Variants in MAEA observed in about 807,000 individuals in gnomAD.
MAEA encodes the protein macrophage erythroblast attacher, E3 ubiquitin ligase, also known as E3 ubiquitin-protein transferase MAEA.
MAEA carries 22 observed loss-of-function variants against 46.2 expected under a neutral mutation model. That is an observed-to-expected ratio of 0.48 (90% CI 0.34 to 0.68). MAEA has a LOEUF of 0.68. Among genes scored for constraint, MAEA ranks in the 30% least tolerant of loss-of-function variants. MAEA has a pLI of 0.01. For missense variants in MAEA, 393 were observed against 558.1 expected, an observed-to-expected ratio of 0.70 and a Z score of 2.98; for synonymous variants, 246 against 222.6, an observed-to-expected ratio of 1.11 and a Z score of -0.94.
At position 1,315,514 on chromosome 4, in the gene MAEA, C is replaced by T. The variant is rs1300147250; in HGVS notation, c.370C>T (p.Arg124Cys). 5 of 1,613,722 alleles carry T rather than the reference C, an allele frequency of 3.1e-6. No individual in the cohort carries two copies. The highest frequency in any genetic ancestry group is 3.3e-5 in the Admixed American group (2 of 59,986). ...GGCGGCCAGCGTGTGGAAGAGGAAG[C>T]GCATGGATCGCATGATGGTGGAGCA... ...PAAASVWKRKRMDRMMVEHLL... is the reference protein window; with the variant it reads ...PAAASVWKRKCMDRMMVEHLL... Residue 124 changes from arginine to cysteine, a missense_variant, in exon 3 of 9, where the codon CGC becomes TGC. Arg to Cys is a radical substitution (Grantham distance 180, BLOSUM62 -3). Around this residue, in one of 2 missense-constraint regions of MAEA, gnomAD observed 358 missense variants for 537.9 expected, o/e 0.67. Transcript: ENST00000303400.
chr4:1,293,461 A>G (rs1327798959), intron 1 of MAEA, among the ~76,000 whole-genome samples: 2 of 152,242 alleles, frequency 1.3e-5, no homozygotes, highest in Non-Finnish European at 2.9e-5. Context: ...AACTTCATTA[A>G]CATTTTGGTG....
chr4:1,316,130 T>C (rs374169253), intron 3 of MAEA, among the ~76,000 whole-genome samples: 1 of 152,108 alleles, frequency 6.6e-6, no homozygotes, highest in Non-Finnish European at 1.5e-5. Flanking sequence ...ACATGCTCCA[T>C]TGCTTCCTCG....
In MAEA at chr4:1,312,033, C is replaced by T; in HGVS notation, c.124C>T (p.Arg42Trp). 3 of 1,614,014 alleles carry T rather than the reference C, an allele frequency of 1.9e-6. No homozygotes were observed. The highest frequency in any genetic ancestry group is 2.5e-6 in the Non-Finnish European group (3 of 1,180,016). ...RFRAAQKNIDRETSHVTMVVA... is the reference protein window; with the variant it reads ...RFRAAQKNIDWETSHVTMVVA... ...TCGCGCCGCTCAGAAGAACATTGAC[C>T]GGGAGACCAGCCACGTCACCATGGT... The change falls in exon 2 of 9, where the codon CGG (arginine) becomes TGG (tryptophan). Residue 42 changes from arginine to tryptophan, a missense_variant. Arg to Trp is a moderately radical substitution (Grantham distance 101, BLOSUM62 -3). Coordinates refer to ENST00000303400, the MANE Select transcript of MAEA (RefSeq NM_001017405.3).
intron 5 of MAEA, chr4:1,328,589 T>TCCATGCCCACAGAAACCCGA: frequency 1.7e-6 from 2 of 1,195,830 alleles, no homozygotes; most frequent in Non-Finnish European, 2.1e-6. Flanking sequence ...GGGGCACCTG[T>TCCATGCCCACAGAAACCCGA]CCATGCCCAC....
At position 1,301,504 on chromosome 4, in the gene MAEA, T is replaced by G. The variant is rs143621313; in HGVS notation, c.70-10475T>G. 1.8e-3 allele frequency among the ~76,000 whole-genome samples: 275 copies of G among 152,366 alleles called. 2 individuals are homozygous for G. The Middle Eastern group carries it at 0.024, about 13-fold the overall frequency. On this transcript the variant is annotated intron_variant, in intron 1 of 8. Coordinates refer to ENST00000303400, the MANE Select transcript of MAEA (RefSeq NM_001017405.3). ...GGAGATGTGATAAATAAAAGTTTAA[T>G]TCTTTGGTATAACCAGAAAAGATAG...
intron 3 of MAEA, among the ~76,000 whole-genome samples, chr4:1,317,551 G>A (rs1737451309): frequency 6.6e-6 from 1 of 152,034 alleles, no homozygotes; most frequent in African/African-American, 2.4e-5. Flanking sequence ...CTGCTTGTGT[G>A]TGTGTGTGGT....
At chr4:1,334,410 C>T (rs1577241462) in intron 6 of MAEA, among the ~76,000 whole-genome samples, 1 of 152,114 alleles carries the variant, frequency 6.6e-6, no homozygotes, top group Non-Finnish European at 1.5e-5. Flanking sequence ...GGTTCTCAGG[C>T]GTTTGGGGCA....
chr4:1,338,785 C>T, intron 8 of MAEA, 168 bp downstream of exon 8: 1 of 776,850 alleles, frequency 1.3e-6, no homozygotes, highest in Middle Eastern at 3.4e-4. Context: ...GCCATCGGGA[C>T]AGGGCTGTGT....
chr4:1,312,218 C>G (rs546182620), intron 2 of MAEA, 57 bp downstream of exon 2: 2 of 1,596,448 alleles, frequency 1.3e-6, no homozygotes, highest in Admixed American at 1.7e-5. Flanking sequence ...CCTTTTGTCT[C>G]GAAAATGAGT....
chr4:1,293,275 C>T (rs1252696535), intron 1 of MAEA, among the ~76,000 whole-genome samples: 2 of 151,758 alleles, frequency 1.3e-5, no homozygotes, highest in East Asian at 3.9e-4. Flanking sequence ...GCCTGTAGTC[C>T]CAGCTAATTG....
In MAEA at chr4:1,332,814, G is replaced by A. The variant is rs940405510; in HGVS notation, c.714G>A (p.Gln238=). The change falls in exon 6 of 9, where the codon CAG becomes CAA. Residue 238 remains glutamine, a synonymous_variant. Coordinates refer to ENST00000303400, the MANE Select transcript of MAEA (RefSeq NM_001017405.3). ...GGAGCCAGCTGGACGAGGTGCGCCA[G>A]GCCATGGGCATGCTGGCCTTCCCGC... ...AEGSQLDEVR[Q]AMGMLAFPPD... The A allele has an allele frequency of 6.2e-7, 1 of 1,613,248 alleles. No individual in the cohort carries two copies. Among genetic ancestry groups the A allele is most frequent in the African/African-American group, 1.3e-5 (1 of 74,918 alleles).
Position 1,335,102 on chromosome 4 carries a change from C to T in MAEA, c.766-1759C>T, listed in dbSNP as rs554019717. On this transcript the variant is annotated intron_variant, in intron 6 of 8. Coordinates refer to ENST00000303400, the MANE Select transcript of MAEA (RefSeq NM_001017405.3). ...TGAAGGTTTTTCTCTCCTGTGCTCA[C>T]ACACGCTCTCTCTCTTAAGTCTAAA... 1,403 of 985,358 alleles carry T rather than the reference C, an allele frequency of 1.4e-3. 2 individuals are homozygous for T. The highest frequency in any genetic ancestry group is 9.5e-3 in the South Asian group (203 of 21,284). 61.0% of individuals were successfully genotyped at this position (985,358 alleles called of 1,614,324 possible).
chr4:1,309,660 G>C (rs1268981060), intron 1 of MAEA: 1 of 1,532,086 alleles, frequency 6.5e-7, no homozygotes, highest in Admixed American at 2.0e-5. Context: ...TGGACCCTGA[G>C]AGCCACTGGC....
chr4:1,335,522 G>T (rs534007848), intron 6 of MAEA: 3 of 875,318 alleles, frequency 3.4e-6, no homozygotes, highest in Non-Finnish European at 4.1e-6. Flanking sequence ...GCCCCATGGC[G>T]TGTTGAAACC....
intron 1 of MAEA, among the ~76,000 whole-genome samples, chr4:1,304,197 C>T (rs935135973): frequency 2.6e-5 from 4 of 152,142 alleles, no homozygotes; most frequent in Admixed American, 1.3e-4. Flanking sequence ...TGGTCCAAAT[C>T]GTCGTGTGCT....
At chr4:1,315,672 G>T in intron 3 of MAEA, 72 bp downstream of exon 3, 2 of 1,494,502 alleles carry the variant, frequency 1.3e-6, no homozygotes, top group East Asian at 2.3e-5. Context: ...CCTGTGGCAT[G>T]TCCCCCGGCA....
At chr4:1,302,776 A>G (rs1735448333) in intron 1 of MAEA, among the ~76,000 whole-genome samples, 1 of 152,210 alleles carries the variant, frequency 6.6e-6, no homozygotes, top group Non-Finnish European at 1.5e-5. Context: ...CACCGCGCCC[A>G]GCCAAGAAAA....
intron 4 of MAEA, 71 bp downstream of exon 4, chr4:1,322,574 A>G (rs1738267054): frequency 6.3e-7 from 1 of 1,581,390 alleles, no homozygotes; most frequent in Non-Finnish European, 8.6e-7. Context: ...TGGAGCCAGC[A>G]CCCCCTTGCC....
chr4:1,300,904 T>G (rs1735257087), intron 1 of MAEA, among the ~76,000 whole-genome samples: 1 of 152,180 alleles, frequency 6.6e-6, no homozygotes, highest in Non-Finnish European at 1.5e-5. Context: ...CCTCAGGGTA[T>G]GTGCTGTGCT....
Sources: allele counts gnomAD v4.1 joint callset (sites outside exome capture counted in the v4.1 genomes callset), GRCh38; gene constraint gnomAD v4.1.1; regional missense constraint gnomAD v4.1.1; transcripts MANE v1.5; gene names NCBI Gene and HGNC (gene_info 2026-07-23, HGNC 2026-07-21).